Variants in TMEM135 observed in about 807,000 individuals in gnomAD.
The protein encoded by TMEM135 is peroxisomal membrane protein 52.
A neutral mutation model predicts 60.3 loss-of-function variants in TMEM135; 30 were observed. The ratio of observed to expected loss-of-function variants is 0.50; its 90% CI spans 0.37 to 0.68. The LOEUF is 0.68. Among genes scored for constraint, TMEM135 ranks in the 30% least tolerant of loss-of-function variants. The pLI, the probability that TMEM135 is intolerant of heterozygous loss-of-function variation, is 0.00. For missense variants in TMEM135, 468 were observed against 548.8 expected, an observed-to-expected ratio of 0.85 and a Z score of 1.47; for synonymous variants, 190 against 186.7, an observed-to-expected ratio of 1.02 and a Z score of -0.14.
intron 3 of TMEM135, among the ~76,000 whole-genome samples, chr11:87,088,847 T>C (rs1857149338): frequency 6.6e-6 from 1 of 152,156 alleles, no homozygotes; most frequent in South Asian, 2.1e-4. Flanking sequence ...AAAACACAAT[T>C]GTCAAAGAGA....
intron 4 of TMEM135, among the ~76,000 whole-genome samples, chr11:87,119,378 G>A (rs1011634692): frequency 2.0e-5 from 3 of 152,124 alleles, no homozygotes; most frequent in African/African-American, 7.2e-5. Context: ...TTTGCAGTTC[G>A]TGGCACCCCA....
At chr11:87,172,833 A>C (rs1386972717) in intron 5 of TMEM135, among the ~76,000 whole-genome samples, 2 of 151,914 alleles carry the variant, frequency 1.3e-5, no homozygotes, top group African/African-American at 2.4e-5. Context: ...TTTGACATTA[A>C]ATTTTTTCAT....
chr11:87,271,825 A>G (rs11235066), intron 6 of TMEM135, among the ~76,000 whole-genome samples: 53,289 of 151,330 alleles, frequency 0.35, 9,865 homozygotes, highest in Non-Finnish European at 0.42. Flanking sequence ...TGTCCCAGCT[A>G]CTTTGGAGGC....
intron 4 of TMEM135, chr11:87,121,496 A>AG (rs1426930805): frequency 6.6e-6 from 1 of 152,148 alleles, no homozygotes; most frequent in Admixed American, 6.5e-5. Flanking sequence ...TGGGACTGGA[A>AG]GGAGGGATTT....
chr11:87,161,079 T>C (rs1322685397), intron 5 of TMEM135, among the ~76,000 whole-genome samples: 1 of 152,118 alleles, frequency 6.6e-6, no homozygotes, highest in African/African-American at 2.4e-5. Context: ...TTTGTTTTTT[T>C]AGTAGAGATG....
At chr11:87,064,084 A>G (rs1379818110) in intron 1 of TMEM135, among the ~76,000 whole-genome samples, 1 of 152,128 alleles carries the variant, frequency 6.6e-6, no homozygotes, top group Non-Finnish European at 1.5e-5. Flanking sequence ...GTCATGAGCA[A>G]TATATGAGAA....
intron 4 of TMEM135, among the ~76,000 whole-genome samples, chr11:87,103,083 A>G (rs564519216): frequency 6.6e-6 from 1 of 152,178 alleles, no homozygotes; most frequent in Admixed American, 6.5e-5. Context: ...TTCCAGGTTC[A>G]TTAGGTTGAT....
intron 1 of TMEM135, among the ~76,000 whole-genome samples, chr11:87,060,167 A>G (rs1355983119): frequency 6.6e-6 from 1 of 152,232 alleles, no homozygotes; most frequent in Non-Finnish European, 1.5e-5. Flanking sequence ...GGAAGAGGGT[A>G]AAGTTAATTG....
intron 6 of TMEM135, among the ~76,000 whole-genome samples, chr11:87,269,200 C>T (rs918171053): frequency 6.7e-6 from 1 of 149,344 alleles, no homozygotes; most frequent in African/African-American, 2.5e-5. Flanking sequence ...CCCCCTACTA[C>T]ACATTGTCCC....
chr11:87,158,247 A>G (rs1358557747), intron 5 of TMEM135, among the ~76,000 whole-genome samples: 2 of 152,126 alleles, frequency 1.3e-5, no homozygotes, highest in Non-Finnish European at 2.9e-5. Context: ...CTATTCTTGA[A>G]TTAAGTTTGA....
chr11:87,291,447 G>A (rs1354363464), intron 6 of TMEM135, among the ~76,000 whole-genome samples: 2 of 146,392 alleles, frequency 1.4e-5, no homozygotes, highest in African/African-American at 5.1e-5. Flanking sequence ...CACAATCATC[G>A]TTCCCCTCCT....
At chr11:87,168,665 A>G (rs986811388) in intron 5 of TMEM135, among the ~76,000 whole-genome samples, 1 of 152,190 alleles carries the variant, frequency 6.6e-6, no homozygotes, top group Non-Finnish European at 1.5e-5. Context: ...TTGTGGTCTC[A>G]GAGACTGTTT....
intron 5 of TMEM135, among the ~76,000 whole-genome samples, chr11:87,186,674 C>T (rs1939662098): frequency 6.6e-6 from 1 of 152,098 alleles, no homozygotes; most frequent in South Asian, 2.1e-4. Flanking sequence ...TTGTAATACT[C>T]ATTTAACCTC....
At chr11:87,104,168 C>T (rs540653161) in intron 4 of TMEM135, among the ~76,000 whole-genome samples, 27 of 152,214 alleles carry the variant, frequency 1.8e-4, no homozygotes, top group Admixed American at 2.6e-4. Context: ...GTTTTCCTAA[C>T]GCCGTTTATT....
chr11:87,311,476 C>T (rs1354245934), intron 10 of TMEM135, among the ~76,000 whole-genome samples: 1 of 151,940 alleles, frequency 6.6e-6, no homozygotes, highest in Non-Finnish European at 1.5e-5. Context: ...TGTATTTATT[C>T]TTAACATAAA....
At chr11:87,129,898 G>C (rs1040248455) in intron 4 of TMEM135, among the ~76,000 whole-genome samples, 1 of 147,414 alleles carries the variant, frequency 6.8e-6, no homozygotes, top group African/African-American at 2.5e-5. Flanking sequence ...TCTGTCTTTG[G>C]AAAAAATGTA....
intron 4 of TMEM135, among the ~76,000 whole-genome samples, chr11:87,119,060 T>C (rs1238354147): frequency 6.6e-6 from 1 of 152,270 alleles, no homozygotes; most frequent in Non-Finnish European, 1.5e-5. Context: ...CTTTGAGAAC[T>C]TTCCTTTGCA....
At chr11:87,129,821 G>A (rs547233310) in intron 4 of TMEM135, among the ~76,000 whole-genome samples, 6 of 152,204 alleles carry the variant, frequency 3.9e-5, no homozygotes, top group East Asian at 1.9e-4. Context: ...GATTACAGGC[G>A]TGAGCCATTG....
intron 5 of TMEM135, among the ~76,000 whole-genome samples, chr11:87,161,576 C>T (rs959461439): frequency 1.3e-5 from 2 of 152,102 alleles, no homozygotes; most frequent in Non-Finnish European, 2.9e-5. Context: ...GGCAGGATTT[C>T]AAACCCTGCT....
Sources: gnomAD v4.1 joint callset for allele counts (sites outside exome capture counted in the v4.1 genomes callset) on GRCh38, gnomAD v4.1.1 for gene constraint, MANE v1.5 for transcripts, NCBI Gene and HGNC (gene_info 2026-07-23, HGNC 2026-07-21) for gene names.